RFX7: variants seen among roughly 807,000 people sequenced by gnomAD.
The protein encoded by RFX7 is DNA-binding protein RFX7.
Under a neutral mutation model 111.8 loss-of-function variants are expected in RFX7, and 26 were observed. That is an observed-to-expected ratio of 0.23 (90% CI 0.17 to 0.32). The LOEUF is 0.32. Among genes scored for constraint, RFX7 ranks in the 10% least tolerant of loss-of-function variants. RFX7 has a pLI of 1.00. For synonymous variants in RFX7, 624 were observed against 624.4 expected (o/e 1.00, Z 0.01); for missense variants, 1,573 against 1,772.9 (o/e 0.89, Z 2.02).
At chr15:56,104,742 A>G (rs1234374788) in intron 5 of RFX7, among the ~76,000 whole-genome samples, 5 of 152,148 alleles carry the variant, frequency 3.3e-5, no homozygotes, top group African/African-American at 7.2e-5. Flanking sequence ...TCTGGAGACA[A>G]TGCTATTTCT....
In RFX7 at chr15:56,203,766, C is replaced by G. The variant is rs2043220300; in HGVS notation, c.162-24463G>C. Among the ~76,000 whole-genome samples the G allele has an allele frequency of 2.6e-5, 4 of 152,146 alleles. No individual in the cohort carries two copies. In the South Asian group the frequency reaches 8.3e-4, roughly 32 times the overall value. ...GCCACGGCAATGTCAGGAAGTTACC[C>G]TATATGGTCTAAAAAGGGAAGCATG... On this transcript the variant is annotated intron_variant, in intron 2 of 9. Transcript: ENST00000559447.
chr15:56,213,664 C>A (rs1431463116), intron 2 of RFX7, among the ~76,000 whole-genome samples: 1 of 152,082 alleles, frequency 6.6e-6, no homozygotes, highest in Non-Finnish European at 1.5e-5. Context: ...CAAGATGACA[C>A]CACTGGGGGA....
rs1270953445 is a variant in RFX7, at chr15:56,155,868, GA to G, written c.196-11386del. Among the ~76,000 whole-genome samples the G allele has an allele frequency of 2.6e-5, 4 of 151,996 alleles. No individual in the cohort carries two copies. In the East Asian group the frequency reaches 7.7e-4, roughly 29 times the overall value. On this transcript the variant is annotated intron_variant, in intron 3 of 9. Transcript: ENST00000559447. Reference sequence around the variant, plus strand: ...ATTTAACTTATTTTGAATTTCAAATGATATTAACCAAGAATATAATTACATT... The same window carrying G: ...ATTTAACTTATTTTGAATTTCAAATGTATTAACCAAGAATATAATTACATT...
chr15:56,206,646 A>G (rs1217122488), intron 2 of RFX7, among the ~76,000 whole-genome samples: 1 of 152,184 alleles, frequency 6.6e-6, no homozygotes, highest in Non-Finnish European at 1.5e-5. Flanking sequence ...ACATATACAC[A>G]ATGGAGTATT....
At chr15:56,111,058 G>A (rs1225687378) in intron 5 of RFX7, among the ~76,000 whole-genome samples, 1 of 114,132 alleles carries the variant, frequency 8.8e-6, no homozygotes, top group Non-Finnish European at 1.9e-5. Flanking sequence ...CAGCCACCCT[G>A]TCCGGGAGGT....
At chr15:56,112,906 C>T (rs1156846863) in intron 5 of RFX7, among the ~76,000 whole-genome samples, 1 of 152,176 alleles carries the variant, frequency 6.6e-6, no homozygotes, top group Non-Finnish European at 1.5e-5. Context: ...AAAAAAATCT[C>T]AACTTCACTG....
At chr15:56,101,936 A>T (rs1290234506) in intron 7 of RFX7, among the ~76,000 whole-genome samples, 1 of 152,202 alleles carries the variant, frequency 6.6e-6, no homozygotes. Context: ...TATAGTCAAT[A>T]TGTATTTTGG....
intron 5 of RFX7, among the ~76,000 whole-genome samples, chr15:56,113,006 A>C (rs762359307): frequency 3.3e-5 from 5 of 152,204 alleles, no homozygotes; most frequent in Non-Finnish European, 7.4e-5. Context: ...GAAACAACAC[A>C]TGTTGGCAAG....
intron 3 of RFX7, among the ~76,000 whole-genome samples, chr15:56,178,207 A>ACG (rs2042925244): frequency 6.9e-6 from 1 of 145,108 alleles, no homozygotes. Context: ...ACACACACAC[A>ACG]CACAACAAAA....
chr15:56,114,343 G>A (rs2041978291), intron 5 of RFX7, among the ~76,000 whole-genome samples: 2 of 150,926 alleles, frequency 1.3e-5, no homozygotes, highest in Non-Finnish European at 1.5e-5. Context: ...CCCGGGAGGT[G>A]GAGGTTGCAG....
chr15:56,153,462 A>G (rs779832810), intron 3 of RFX7, among the ~76,000 whole-genome samples: 54 of 152,190 alleles, frequency 3.5e-4, no homozygotes, highest in Non-Finnish European at 6.3e-4. Flanking sequence ...ATAAACAACA[A>G]ACGTAATCCA....
chr15:56,177,599 GTATTT>G (rs1485449731), intron 3 of RFX7, among the ~76,000 whole-genome samples: 1 of 152,004 alleles, frequency 6.6e-6, no homozygotes, highest in Non-Finnish European at 1.5e-5. Flanking sequence ...TTCTTATTTA[GTATTT>G]TATAAGTGTC....
intron 2 of RFX7, among the ~76,000 whole-genome samples, chr15:56,209,748 G>A (rs1329982399): frequency 6.6e-6 from 1 of 152,022 alleles, no homozygotes; most frequent in African/African-American, 2.4e-5. Context: ...TTAACTAAAA[G>A]TGGACCTGGA....
chr15:56,200,822 G>A (rs2043186552), intron 2 of RFX7, among the ~76,000 whole-genome samples: 2 of 151,954 alleles, frequency 1.3e-5, no homozygotes, highest in South Asian at 4.2e-4. Context: ...AGTTGTGTCA[G>A]AGATAAGGCA....
intron 2 of RFX7, among the ~76,000 whole-genome samples, chr15:56,183,186 T>C (rs2042995209): frequency 1.3e-5 from 2 of 152,104 alleles, no homozygotes; most frequent in South Asian, 4.1e-4. Flanking sequence ...TTGCATATTT[T>C]TAAGCGGAGC....
chr15:56,183,766 G>T (rs1219588051), intron 2 of RFX7, among the ~76,000 whole-genome samples: 1 of 152,058 alleles, frequency 6.6e-6, no homozygotes, highest in Non-Finnish European at 1.5e-5. Flanking sequence ...CTTTATGTAG[G>T]ACTTTATTTT....
intron 3 of RFX7, among the ~76,000 whole-genome samples, chr15:56,148,834 A>C (rs1445971617): frequency 1.3e-5 from 2 of 152,066 alleles, no homozygotes; most frequent in Admixed American, 6.6e-5. Flanking sequence ...GTAATCCCAG[A>C]ACTTTGGGAG....
In RFX7 at chr15:56,214,314, A is replaced by G. The variant is rs192433022; in HGVS notation, c.161+28811T>C. 2.7e-3 allele frequency among the ~76,000 whole-genome samples: 409 copies of G among 149,784 alleles called. 1 individual carries two copies. The highest frequency in any genetic ancestry group is 9.6e-3 in the African/African-American group (394 of 41,256). ...TGATTAAAATTTCATTGAATTTATA[A>G]ATATATTAAGAAATAAAAAATCTGC... is the stretch of plus-strand genomic sequence containing the variant. On this transcript the variant is annotated intron_variant, in intron 2 of 9. Transcript: ENST00000559447.
intron 5 of RFX7, among the ~76,000 whole-genome samples, chr15:56,133,155 C>T (rs1457098058): frequency 6.6e-6 from 1 of 152,042 alleles, no homozygotes; most frequent in Non-Finnish European, 1.5e-5. Context: ...AATCAATGCA[C>T]TAATAATTTT....
Sources: allele counts gnomAD v4.1 joint callset (sites outside exome capture counted in the v4.1 genomes callset), GRCh38; gene constraint gnomAD v4.1.1; transcripts MANE v1.5; gene names NCBI Gene and HGNC (gene_info 2026-07-23, HGNC 2026-07-21).